Variants in DNAJC11 observed in about 807,000 individuals in gnomAD.
DNAJC11 encodes dnaJ homolog subfamily C member 11.
A neutral mutation model predicts 78.6 loss-of-function variants in DNAJC11; 15 were observed. The ratio of observed to expected loss-of-function variants is 0.19; its 90% CI spans 0.13 to 0.29. The LOEUF (loss-of-function observed/expected upper bound fraction) is 0.29, where lower values mean the gene tolerates loss of function less well. Ranked by LOEUF, DNAJC11 falls within the 10% of genes least tolerant of loss-of-function variation. The pLI, the probability that DNAJC11 is intolerant of heterozygous loss-of-function variation, is 1.00. For missense variants in DNAJC11, 547 were observed against 709.6 expected, an observed-to-expected ratio of 0.77 and a Z score of 2.60; for synonymous variants, 292 against 272.1, an observed-to-expected ratio of 1.07 and a Z score of -0.72.
intron 4 of DNAJC11, among the ~76,000 whole-genome samples, chr1:6,664,874 C>A: frequency 6.6e-6 from 1 of 152,140 alleles, no homozygotes. Flanking sequence ...CCTCACTAGG[C>A]CTTTTTGCTT....
At chr1:6,676,782 T>C (rs137980998) in intron 3 of DNAJC11, among the ~76,000 whole-genome samples, 6 of 152,138 alleles carry the variant, frequency 3.9e-5, no homozygotes, top group African/African-American at 1.4e-4. Flanking sequence ...GGAAATAGGA[T>C]CCTCTTTTGC....
intron 4 of DNAJC11, among the ~76,000 whole-genome samples, chr1:6,657,892 A>G (rs965299366): frequency 1.2e-4 from 19 of 152,164 alleles, no homozygotes; most frequent in South Asian, 2.1e-4. Context: ...TGATCTGCCC[A>G]CCTTGGCCTC....
chr1:6,665,860 C>T (rs978743025), intron 4 of DNAJC11, among the ~76,000 whole-genome samples: 2 of 149,604 alleles, frequency 1.3e-5, no homozygotes, highest in South Asian at 2.1e-4. Context: ...CCCCACCTCC[C>T]CCATCCCACC....
chr1:6,675,028 T>A (rs959120099), intron 3 of DNAJC11, among the ~76,000 whole-genome samples: 1 of 152,114 alleles, frequency 6.6e-6, no homozygotes, highest in African/African-American at 2.4e-5. Flanking sequence ...CTCCCTGGAG[T>A]GAAAGCTATT....
chr1:6,667,892 T>G, intron 3 of DNAJC11, 82 bp from the exon 4 acceptor site: 1 of 1,367,008 alleles, frequency 7.3e-7, no homozygotes, highest in Non-Finnish European at 1.0e-6. Flanking sequence ...AGCCATTGAT[T>G]TTGGTGTGTG....
intron 7 of DNAJC11, among the ~76,000 whole-genome samples, chr1:6,650,640 G>A (rs944530083): frequency 6.6e-6 from 1 of 152,066 alleles, no homozygotes; most frequent in Non-Finnish European, 1.5e-5. Context: ...TTGGGAGGCC[G>A]AGGCAGGTGG....
intron 7 of DNAJC11, among the ~76,000 whole-genome samples, chr1:6,649,634 G>A (rs1444789693): frequency 6.6e-6 from 1 of 152,128 alleles, no homozygotes; most frequent in Non-Finnish European, 1.5e-5. Context: ...GACCAGACTA[G>A]TGGGCAGGGA....
chr1:6,639,955 G>A lies in DNAJC11; in HGVS notation c.1200C>T (p.Tyr400=), dbSNP rs1431926239. Residue 400 remains tyrosine (Y), a synonymous_variant, in exon 11 of 16, where the codon TAC becomes TAT. Transcript: ENST00000377577. ...FYATVGPLVV[Y]FAMHRLIIKP... ...TGATGATCAGACGGTGCATGGCAAA[G>A]TAGACCACTAGAGGCCCCACGGTGG... 1 of 1,611,156 alleles carries A rather than the reference G, an allele frequency of 6.2e-7. No homozygotes were observed. Among genetic ancestry groups the A allele is most frequent in the East Asian group, 2.2e-5 (1 of 44,638 alleles).
intron 7 of DNAJC11, among the ~76,000 whole-genome samples, chr1:6,648,499 T>C (rs1642001911): frequency 6.6e-6 from 1 of 151,720 alleles, no homozygotes; most frequent in Admixed American, 6.6e-5. Context: ...CTCTGTCACC[T>C]AGGCTGAAGT....
intron 4 of DNAJC11, among the ~76,000 whole-genome samples, chr1:6,658,495 A>T (rs1399603147): frequency 6.6e-6 from 1 of 152,208 alleles, no homozygotes; most frequent in Non-Finnish European, 1.5e-5. Flanking sequence ...AACCATGTAA[A>T]CATGACAGAA....
At chr1:6,644,938 C>T (rs1400377812) in intron 9 of DNAJC11, 103 bp downstream of exon 9, 11 of 1,119,380 alleles carry the variant, frequency 9.8e-6, no homozygotes, top group Admixed American at 5.2e-5. Context: ...GTCACACACA[C>T]GTAGATATTC....
intron 1 of DNAJC11, among the ~76,000 whole-genome samples, chr1:6,690,720 C>A (rs778389154): frequency 1.3e-5 from 2 of 151,832 alleles, no homozygotes; most frequent in Non-Finnish European, 2.9e-5. Context: ...GTCAGGAGAT[C>A]GAGACCATCC....
intron 4 of DNAJC11, among the ~76,000 whole-genome samples, chr1:6,659,529 G>A (rs1642176646): frequency 6.6e-6 from 1 of 152,138 alleles, no homozygotes; most frequent in Non-Finnish European, 1.5e-5. Context: ...GGAGGCCGCG[G>A]CGGGTGGATC....
At chr1:6,667,096 T>C (rs549594857) in intron 4 of DNAJC11, among the ~76,000 whole-genome samples, 5 of 152,332 alleles carry the variant, frequency 3.3e-5, no homozygotes, top group Admixed American at 2.0e-4. Context: ...AAAGTAACTC[T>C]GACTCAGTAT....
chr1:6,634,879 C>T lies in DNAJC11; in HGVS notation c.*796G>A, dbSNP rs1641730139. Reference sequence around the variant, plus strand: ...CGCCTGGTCCTGTCCTCTTGAGCTGCCCTTGCCCAGCACTGCACTCTGGAG... The same window carrying T: ...CGCCTGGTCCTGTCCTCTTGAGCTGTCCTTGCCCAGCACTGCACTCTGGAG... On this transcript the variant is annotated 3_prime_UTR_variant, in exon 16 of 16. Transcript: ENST00000377577. 4.1e-6 allele frequency: 5 copies of T among 1,208,784 alleles called. No individual in the cohort carries two copies. The South Asian group carries it at 4.4e-5, about 11-fold the overall frequency. The allele number at this position is 1,208,784 out of a possible 1,614,324, so 74.9% of individuals were successfully genotyped here. A position where few individuals can be genotyped will look rare whatever the true frequency, so the allele number is the denominator to read the frequency against.
At chr1:6,675,885 A>T (rs1328624877) in intron 3 of DNAJC11, among the ~76,000 whole-genome samples, 1 of 152,200 alleles carries the variant, frequency 6.6e-6, no homozygotes, top group Non-Finnish European at 1.5e-5. Context: ...TAGTCTTTGA[A>T]GAGGGAATAT....
chr1:6,655,044 G>A (rs759049985), intron 4 of DNAJC11, among the ~76,000 whole-genome samples: 11 of 152,066 alleles, frequency 7.2e-5, no homozygotes, highest in African/African-American at 1.9e-4. Flanking sequence ...TGATCCACTC[G>A]CCTCGGCCTC....
chr1:6,636,335 G>A (rs1482236229), intron 14 of DNAJC11, 89 bp from the exon 15 acceptor site: 4 of 1,528,390 alleles, frequency 2.6e-6, no homozygotes, highest in Admixed American at 4.0e-5. Flanking sequence ...AGTGTGCACA[G>A]GCTCTGACAT....
At chr1:6,662,720 G>T (rs532710023) in intron 4 of DNAJC11, among the ~76,000 whole-genome samples, 2 of 152,112 alleles carry the variant, frequency 1.3e-5, no homozygotes, top group African/African-American at 4.8e-5. Flanking sequence ...CTAGAGTATT[G>T]TAAGTGCACT....
Sources: gnomAD v4.1 joint callset for allele counts (sites outside exome capture counted in the v4.1 genomes callset) on GRCh38, gnomAD v4.1.1 for gene constraint, MANE v1.5 for transcripts, NCBI Gene and HGNC (gene_info 2026-07-23, HGNC 2026-07-21) for gene names.